The following MAST4 variants were observed in gnomAD, a reference collection of about 807,000 sequenced individuals.
The protein encoded by MAST4 is microtubule-associated serine/threonine-protein kinase 4.
Under a neutral mutation model 162.7 loss-of-function variants are expected in MAST4, and 89 were observed. The observed-to-expected ratio is 0.55, with a 90% CI of 0.46 to 0.65. The LOEUF is 0.65. MAST4 is among the 30% of genes least tolerant of loss of function. MAST4 has a pLI of 0.00. For synonymous variants in MAST4, 1,479 were observed against 1,361.1 expected (o/e 1.09, Z -1.91); for missense variants, 3,153 against 3,374.0 (o/e 0.93, Z 1.62).
intron 4 of MAST4, among the ~76,000 whole-genome samples, chr5:67,035,984 G>T (rs1755973994): frequency 6.6e-6 from 1 of 152,074 alleles, no homozygotes; most frequent in South Asian, 2.1e-4. Context: ...CTTACCCATT[G>T]CACTCCCTGT....
At chr5:66,697,956 G>A (rs1321537917) in intron 1 of MAST4, among the ~76,000 whole-genome samples, 4 of 152,022 alleles carry the variant, frequency 2.6e-5, no homozygotes, top group Admixed American at 1.3e-4. Flanking sequence ...GCTACAGCAC[G>A]TCCTAACTCG....
intron 1 of MAST4, among the ~76,000 whole-genome samples, chr5:66,739,314 T>TG (rs1310317668): frequency 6.6e-6 from 1 of 152,204 alleles, no homozygotes; most frequent in African/African-American, 2.4e-5. Context: ...TCTTCGGTTG[T>TG]GGGGGCAGCA....
rs1199799747 is a variant in MAST4, at chr5:66,837,909, T to A, written c.642+49115T>A. On this transcript the variant is annotated intron_variant, in intron 3 of 28. Coordinates refer to ENST00000403625, the MANE Select transcript of MAST4 (RefSeq NM_001164664.2). ...ATATATATATATTTTTTTTTTTTTT[T>A]TTTTTTTTAATGTGGAGGTGTTTGG... Among the ~76,000 whole-genome samples, 507 of 91,214 alleles carry A rather than the reference T, an allele frequency of 5.6e-3. 5 individuals carry two copies. Among genetic ancestry groups the A allele is most frequent in the African/African-American group, 0.014 (447 of 31,220 alleles). 59.8% of individuals were successfully genotyped at this position (91,214 alleles called of 152,430 possible).
At chr5:66,994,688 A>C (rs1750433270) in intron 4 of MAST4, among the ~76,000 whole-genome samples, 1 of 152,258 alleles carries the variant, frequency 6.6e-6, no homozygotes, top group African/African-American at 2.4e-5. Flanking sequence ...CAGTACTCTC[A>C]GTCTAACTAT....
In MAST4 at chr5:67,163,340, G is replaced by A. The variant is rs753405005; in HGVS notation, c.4161G>A (p.Pro1387=). 1.2e-6 allele frequency: 2 copies of A among 1,612,412 alleles called. No individual in the cohort carries two copies. Among genetic ancestry groups the A allele is most frequent in the African/African-American group, 2.7e-5 (2 of 74,868 alleles). The change falls in exon 29 of 29, where the codon CCG becomes CCA. Residue 1387 remains proline, a synonymous_variant. Transcript: ENST00000403625. This position sits in a 1 kb window ranked among gnomAD's most constrained non-coding sequence, Gnocchi z 7.0. The part of the protein sequence containing the change: ...SPLARTPSPT[P]QPTSPQRSPS... ...TGGCCCGGACGCCCTCTCCAACCCC[G>A]CAACCCACCTCCCCGCAGCGGTCAC...
At chr5:66,703,676 C>T (rs1749927311) in intron 1 of MAST4, among the ~76,000 whole-genome samples, 2 of 152,120 alleles carry the variant, frequency 1.3e-5, no homozygotes, top group Admixed American at 6.5e-5. Flanking sequence ...AGTTGTTGCC[C>T]TCATGCTCAT....
intron 2 of MAST4, among the ~76,000 whole-genome samples, chr5:66,779,436 A>T: frequency 6.7e-6 from 1 of 148,946 alleles, no homozygotes; most frequent in Non-Finnish European, 1.5e-5. Context: ...ATAGCAGTTC[A>T]ATATAGGAGT....
At chr5:66,660,968 C>G (rs1484559576) in intron 1 of MAST4, among the ~76,000 whole-genome samples, 1 of 152,126 alleles carries the variant, frequency 6.6e-6, no homozygotes, top group Non-Finnish European at 1.5e-5. Flanking sequence ...AATATTAATG[C>G]TTTGCTAAAA....
At chr5:66,982,095 G>A (rs1748930377) in intron 4 of MAST4, among the ~76,000 whole-genome samples, 1 of 152,182 alleles carries the variant, frequency 6.6e-6, no homozygotes, top group Admixed American at 6.5e-5. Flanking sequence ...GATTTACAGA[G>A]AGAGATTAAC....
chr5:66,707,224 G>T (rs1198269589), intron 1 of MAST4, among the ~76,000 whole-genome samples: 1 of 152,182 alleles, frequency 6.6e-6, no homozygotes, highest in Non-Finnish European at 1.5e-5. Flanking sequence ...TTGCCCTTTT[G>T]TGGACTAGAA....
chr5:66,787,386 A>G (rs1456827491), intron 2 of MAST4, among the ~76,000 whole-genome samples: 1 of 152,228 alleles, frequency 6.6e-6, no homozygotes, highest in Admixed American at 6.5e-5. Context: ...CTGGCAAAAG[A>G]AGCCATTTTT....
chr5:66,953,093 C>T (rs1245586624), intron 4 of MAST4, among the ~76,000 whole-genome samples: 2 of 152,170 alleles, frequency 1.3e-5, no homozygotes, highest in African/African-American at 4.8e-5. Context: ...TTCATCTAAC[C>T]TTTGCTGGCT....
At chr5:67,117,361 G>A (rs1031270891) in intron 12 of MAST4, among the ~76,000 whole-genome samples, 4 of 152,106 alleles carry the variant, frequency 2.6e-5, no homozygotes, top group South Asian at 2.1e-4. Flanking sequence ...TGGCAATGTC[G>A]TTATTCCAGA....
intron 3 of MAST4, among the ~76,000 whole-genome samples, chr5:66,831,828 TGATG>T (rs776910661): frequency 9.2e-5 from 14 of 152,228 alleles, no homozygotes; most frequent in Non-Finnish European, 1.9e-4. Flanking sequence ...TAGGAAATTC[TGATG>T]GATGGATGGG....
chr5:67,166,374 C>A lies in MAST4; in HGVS notation c.7195C>A (p.Arg2399=). 1 of 1,611,428 alleles carries A rather than the reference C, an allele frequency of 6.2e-7. No individual in the cohort carries two copies. Among genetic ancestry groups the A allele is most frequent in the Non-Finnish European group, 8.5e-7 (1 of 1,178,696 alleles). Residue 2399 remains arginine (R), a synonymous_variant, in exon 29 of 29, where the codon CGG becomes AGG. Transcript: ENST00000403625. ...AGLSFVHSEN[R]LKGAERPAAG... ...CCTTTCCTTTGTGCATAGCGAGAAC[C>A]GGTTGAAAGGCGCGGAGCGGCCAGC...
At chr5:66,825,269 C>CAG (rs1561357149) in intron 3 of MAST4, among the ~76,000 whole-genome samples, 1 of 53,812 alleles carries the variant, frequency 1.9e-5, no homozygotes, top group African/African-American at 7.8e-5. Context: ...AAGACACACA[C>CAG]ACACACACAC....
chr5:67,078,887 T>TATATAAATATATATTTATATAA (rs1561621660), intron 5 of MAST4, among the ~76,000 whole-genome samples: 11 of 92,000 alleles, frequency 1.2e-4, no homozygotes, highest in East Asian at 2.7e-4. Flanking sequence ...TAAATATATT[T>TATATAAATATATATTTATATAA]ATATATTTAT....
intron 14 of MAST4, among the ~76,000 whole-genome samples, chr5:67,122,264 C>A (rs1000577924): frequency 6.6e-6 from 1 of 152,114 alleles, no homozygotes; most frequent in African/African-American, 2.4e-5. Flanking sequence ...GCAGATGAAA[C>A]AAAAGAAGTT....
At chr5:67,074,130 CTAAA>C (rs895235821) in intron 5 of MAST4, among the ~76,000 whole-genome samples, 16 of 136,306 alleles carry the variant, frequency 1.2e-4, no homozygotes, top group African/African-American at 5.3e-4. Context: ...ATACTACCCC[CTAAA>C]TAAATAGGCA....
Sources: allele counts gnomAD v4.1 joint callset (sites outside exome capture counted in the v4.1 genomes callset), GRCh38; gene constraint gnomAD v4.1.1; non-coding constraint Gnocchi (gnomAD v3.1); transcripts MANE v1.5; gene names NCBI Gene and HGNC (gene_info 2026-07-23, HGNC 2026-07-21).